The following TRPM3 variants were observed in gnomAD, a reference collection of about 807,000 sequenced individuals.
TRPM3 encodes transient receptor potential cation channel subfamily M member 3, also known as long transient receptor potential channel 3.
Under a neutral mutation model 181.2 loss-of-function variants are expected in TRPM3, and 77 were observed. The observed-to-expected ratio is 0.42, with a 90% CI of 0.35 to 0.51. The LOEUF (loss-of-function observed/expected upper bound fraction) is 0.51, where lower values mean the gene tolerates loss of function less well. Ranked by LOEUF, TRPM3 falls within the 20% of genes least tolerant of loss-of-function variation. The pLI is 0.01. For synonymous variants in TRPM3, 745 were observed against 796.4 expected (o/e 0.94, Z 1.09); for missense variants, 1,759 against 2,196.7 (o/e 0.80, Z 3.98).
intron 25 of TRPM3, among the ~76,000 whole-genome samples, chr9:70,549,081 A>G (rs115683922): frequency 1.8e-3 from 279 of 152,314 alleles, no homozygotes; most frequent in African/African-American, 6.5e-3. Flanking sequence ...CTAATTTACA[A>G]TTCTGTTACT....
At chr9:71,076,705 A>G (rs2063504878) in intron 1 of TRPM3, among the ~76,000 whole-genome samples, 1 of 152,152 alleles carries the variant, frequency 6.6e-6, no homozygotes, top group Admixed American at 6.5e-5. Flanking sequence ...ATACAAATCT[A>G]TATAGGGTTC....
intron 1 of TRPM3, among the ~76,000 whole-genome samples, chr9:70,997,920 T>C (rs2097556748): frequency 6.6e-6 from 1 of 151,944 alleles, no homozygotes; most frequent in African/African-American, 2.4e-5. Context: ...TTCACTTACA[T>C]AGCATCCAAT....
At chr9:70,885,403 G>A (rs1670291503) in intron 1 of TRPM3, among the ~76,000 whole-genome samples, 1 of 152,072 alleles carries the variant, frequency 6.6e-6, no homozygotes, top group Admixed American at 6.6e-5. Context: ...TTCCCTGGTT[G>A]AAAACCATTG....
intron 8 of TRPM3, among the ~76,000 whole-genome samples, chr9:70,757,706 T>C (rs1238688449): frequency 6.6e-6 from 1 of 152,086 alleles, no homozygotes; most frequent in Non-Finnish European, 1.5e-5. Flanking sequence ...ATCCAACACA[T>C]AAACAGAACC....
intron 1 of TRPM3, among the ~76,000 whole-genome samples, chr9:70,945,369 C>T (rs747547585): frequency 5.3e-5 from 8 of 152,272 alleles, no homozygotes; most frequent in Middle Eastern, 3.4e-3. Flanking sequence ...ACAGTATTTG[C>T]TATAAGGTAG....
chr9:71,032,107 A>G (rs868260745), intron 1 of TRPM3, among the ~76,000 whole-genome samples: 200 of 93,976 alleles, frequency 2.1e-3, no homozygotes, highest in African/African-American at 8.2e-3. Flanking sequence ...AATATTATAT[A>G]TATTATATTA....
At chr9:71,152,711 T>C (rs775806106) in intron 1 of TRPM3, among the ~76,000 whole-genome samples, 21 of 152,182 alleles carry the variant, frequency 1.4e-4, no homozygotes, top group Non-Finnish European at 2.4e-4. Flanking sequence ...ATCATAGGAG[T>C]TGGATACGTA....
intron 1 of TRPM3, among the ~76,000 whole-genome samples, chr9:71,128,070 C>T (rs1299010788): frequency 6.6e-6 from 1 of 152,220 alleles, no homozygotes; most frequent in Non-Finnish European, 1.5e-5. Context: ...ACACCTTCAT[C>T]TCCTCCTTTG....
At chr9:70,948,463 GA>G (rs1411343272) in intron 1 of TRPM3, among the ~76,000 whole-genome samples, 1 of 152,036 alleles carries the variant, frequency 6.6e-6, no homozygotes, top group Admixed American at 6.6e-5. Flanking sequence ...GAAAAACAAA[GA>G]GCCCTTTGAC....
chr9:70,772,012 T>C (rs1257072170), intron 7 of TRPM3, among the ~76,000 whole-genome samples: 2 of 152,080 alleles, frequency 1.3e-5, no homozygotes, highest in Non-Finnish European at 2.9e-5. Flanking sequence ...TCAAAAAATA[T>C]CTATCGAATG....
intron 1 of TRPM3, among the ~76,000 whole-genome samples, chr9:70,962,627 A>G (rs942081643): frequency 2.0e-5 from 3 of 152,188 alleles, no homozygotes; most frequent in Admixed American, 2.0e-4. Context: ...AATCCTATGC[A>G]ACATAAACTA....
chr9:70,829,233 T>C (rs2093744284), intron 5 of TRPM3, among the ~76,000 whole-genome samples: 1 of 152,180 alleles, frequency 6.6e-6, no homozygotes, highest in African/African-American at 2.4e-5. Context: ...TGTAGTAAGA[T>C]TGAGTAGTTT....
At chr9:71,040,238 G>A (rs2058672589) in intron 1 of TRPM3, among the ~76,000 whole-genome samples, 1 of 152,142 alleles carries the variant, frequency 6.6e-6, no homozygotes, top group Non-Finnish European at 1.5e-5. Context: ...GCTAGAGCTG[G>A]AATTCTTTAT....
intron 8 of TRPM3, among the ~76,000 whole-genome samples, chr9:70,755,599 T>C (rs1432456628): frequency 2.0e-5 from 3 of 152,048 alleles, no homozygotes; most frequent in African/African-American, 7.2e-5. Flanking sequence ...ACTCCTGACC[T>C]CAGGTGATCC....
intron 9 of TRPM3, among the ~76,000 whole-genome samples, chr9:70,678,900 A>G (rs2064722473): frequency 6.6e-6 from 1 of 152,268 alleles, no homozygotes; most frequent in Non-Finnish European, 1.5e-5. Context: ...GATAGCCTTT[A>G]CAAATCAAAT....
At chr9:70,537,976 T>G (rs1447244714) in intron 25 of TRPM3, among the ~76,000 whole-genome samples, 2 of 152,258 alleles carry the variant, frequency 1.3e-5, no homozygotes, top group African/African-American at 4.8e-5. Flanking sequence ...TATACAATAA[T>G]TTTTGTTATT....
intron 22 of TRPM3, among the ~76,000 whole-genome samples, chr9:70,578,621 C>T (rs10780951): frequency 0.39 from 59,290 of 152,114 alleles, 12,380 homozygotes; most frequent in East Asian, 0.53. Context: ...AGGGAGATGT[C>T]GTGAAACCCT....
At chr9:71,431,561 C>G (rs577518377) in intron 1 of TRPM3, among the ~76,000 whole-genome samples, 2 of 152,256 alleles carry the variant, frequency 1.3e-5, no homozygotes, top group South Asian at 2.1e-4. Context: ...GGAAAAGACA[C>G]ACATTAACGT....
At chr9:70,940,396 A>G (rs1455886881) in intron 1 of TRPM3, among the ~76,000 whole-genome samples, 1 of 152,332 alleles carries the variant, frequency 6.6e-6, no homozygotes, top group African/African-American at 2.4e-5. Context: ...TTAGAATATA[A>G]GGACGGCATG....
Sources: allele counts gnomAD v4.1 joint callset (sites outside exome capture counted in the v4.1 genomes callset), GRCh38; gene constraint gnomAD v4.1.1; transcripts MANE v1.5; gene names NCBI Gene and HGNC (gene_info 2026-07-23, HGNC 2026-07-21).